The following PPP6R3 variants were observed in gnomAD, a reference collection of about 807,000 sequenced individuals.
PPP6R3 encodes the protein serine/threonine-protein phosphatase 6 regulatory subunit 3.
Under a neutral mutation model 110.7 loss-of-function variants are expected in PPP6R3, and 38 were observed. The ratio of observed to expected loss-of-function variants is 0.34; its 90% CI spans 0.26 to 0.45. The LOEUF (loss-of-function observed/expected upper bound fraction) is 0.45. Ranked by LOEUF, PPP6R3 falls within the 20% of genes least tolerant of loss-of-function variation. PPP6R3 has a pLI of 1.00. For synonymous variants in PPP6R3, 369 were observed against 373.5 expected (o/e 0.99, Z 0.14); for missense variants, 870 against 1,062.4 (o/e 0.82, Z 2.52).
intron 21 of PPP6R3, 28 bp from the exon 22 acceptor site, chr11:68,603,314 G>A (rs2099637539): frequency 6.2e-7 from 1 of 1,612,456 alleles, no homozygotes; most frequent in Non-Finnish European, 8.5e-7. Flanking sequence ...GGCTTGCTGT[G>A]TGTGACCATC....
At chr11:68,579,380 A>T (rs1353109924) in intron 14 of PPP6R3, among the ~76,000 whole-genome samples, 7 of 152,244 alleles carry the variant, frequency 4.6e-5, no homozygotes, top group Non-Finnish European at 8.8e-5. Flanking sequence ...CAAAACGAAA[A>T]TTTTATTTCG....
Position 68,613,299 on chromosome 11 carries a change from TATTGCAC to T in PPP6R3, c.*187_*193del. 7.4e-7 allele frequency: 1 copy of T among 1,343,496 alleles called. No individual in the cohort carries two copies. Among genetic ancestry groups the T allele is most frequent in the Non-Finnish European group, 9.5e-7 (1 of 1,050,290 alleles). The allele number at this position is 1,343,496 out of a possible 1,614,324, so 83.2% of individuals were successfully genotyped here. A position where few individuals can be genotyped will look rare whatever the true frequency, so the allele number is the denominator to read the frequency against. ...ACAGAGAAATTCAGAAGTGTAAAAA[TATTGCAC>T]ATTGACAAATACCAAGAATTTTTGC... On this transcript the variant is annotated 3_prime_UTR_variant, in exon 24 of 24. Transcript: ENST00000393800.
At chr11:68,511,308 G>A (rs189350823) in intron 1 of PPP6R3, among the ~76,000 whole-genome samples, 10 of 151,630 alleles carry the variant, frequency 6.6e-5, no homozygotes, top group South Asian at 2.1e-4. Flanking sequence ...CTTGTGATCC[G>A]CCCGCCTTGG....
chr11:68,523,703 C>T (rs2099177174), intron 2 of PPP6R3, among the ~76,000 whole-genome samples: 1 of 31,768 alleles, frequency 3.1e-5, no homozygotes, highest in African/African-American at 1.2e-4. Context: ...ACCCATGCCC[C>T]CCTGCCCCCC....
intron 1 of PPP6R3, among the ~76,000 whole-genome samples, chr11:68,490,894 T>C: frequency 6.6e-6 from 1 of 152,172 alleles, no homozygotes; most frequent in East Asian, 1.9e-4. Flanking sequence ...ATTAATCGTG[T>C]TTTTTACAAA....
chr11:68,554,209 A>C lies in PPP6R3; in HGVS notation c.683A>C (p.Gln228Pro). 1.2e-6 allele frequency: 2 copies of C among 1,614,016 alleles called. No individual in the cohort carries two copies. Among genetic ancestry groups the C allele is most frequent in the South Asian group, 2.2e-5 (2 of 91,046 alleles). The change falls in exon 7 of 24, where the codon CAA becomes CCA. Residue 228 changes from glutamine (Q) to proline (P), a missense_variant. By Grantham distance (76) the Gln-to-Pro change is moderately conservative. Coordinates refer to ENST00000393800, the MANE Select transcript of PPP6R3 (RefSeq NM_001164161.2). Reference sequence around the variant, plus strand: ...CGCCTGAGCAGAGACCAGATGTTACAAATTCAGAACAGTACAGAGCCCGAC... The same window carrying C: ...CGCCTGAGCAGAGACCAGATGTTACCAATTCAGAACAGTACAGAGCCCGAC... Reference protein sequence around the residue: ...IVRLSRDQMLQIQNSTEPDPL... With the variant: ...IVRLSRDQMLPIQNSTEPDPL...
intron 23 of PPP6R3, among the ~76,000 whole-genome samples, chr11:68,610,542 GCCCACT>G (rs1942877766): frequency 6.6e-6 from 1 of 152,144 alleles, no homozygotes; most frequent in Non-Finnish European, 1.5e-5. Context: ...AGTATGAAAT[GCCCACT>G]CCCAGAGCTG....
chr11:68,518,583 A>T (rs1338424960), intron 1 of PPP6R3, among the ~76,000 whole-genome samples: 1 of 152,228 alleles, frequency 6.6e-6, no homozygotes, highest in Non-Finnish European at 1.5e-5. Context: ...AATTTGGATG[A>T]TTATACTTTT....
At chr11:68,472,058 C>T (rs186924473) in intron 1 of PPP6R3, among the ~76,000 whole-genome samples, 4 of 152,184 alleles carry the variant, frequency 2.6e-5, no homozygotes, top group East Asian at 1.9e-4. Flanking sequence ...GAATGGCCTA[C>T]CTGAGGGTAG....
chr11:68,475,812 C>T (rs1380484369), intron 1 of PPP6R3, among the ~76,000 whole-genome samples: 234 of 151,920 alleles, frequency 1.5e-3, no homozygotes, highest in Non-Finnish European at 2.7e-3. Context: ...AGGGGCTCCT[C>T]ACTTCTCAGA....
chr11:68,504,387 C>T (rs1488582819), intron 1 of PPP6R3, among the ~76,000 whole-genome samples: 1 of 149,044 alleles, frequency 6.7e-6, no homozygotes, highest in East Asian at 2.0e-4. Flanking sequence ...CTGCCCTGAC[C>T]CTCTACTTTT....
chr11:68,609,677 A>C, intron 22 of PPP6R3: 1 of 1,569,182 alleles, frequency 6.4e-7, no homozygotes, highest in Non-Finnish European at 8.7e-7. Flanking sequence ...CAGCCACATT[A>C]CATTGTCCCT....
At chr11:68,546,972 C>G (rs1311837652) in intron 4 of PPP6R3, among the ~76,000 whole-genome samples, 1 of 152,146 alleles carries the variant, frequency 6.6e-6, no homozygotes, top group Non-Finnish European at 1.5e-5. Context: ...TGTGTCATAT[C>G]ATTTCTTGAA....
chr11:68,486,692 A>C (rs1435938367), intron 1 of PPP6R3, among the ~76,000 whole-genome samples: 2 of 151,898 alleles, frequency 1.3e-5, no homozygotes, highest in African/African-American at 4.8e-5. Context: ...TTTTTCCTTA[A>C]ATATTCAGTA....
intron 2 of PPP6R3, among the ~76,000 whole-genome samples, chr11:68,527,999 T>G (rs1271686188): frequency 1.3e-5 from 2 of 152,262 alleles, no homozygotes; most frequent in African/African-American, 4.8e-5. Flanking sequence ...GAGGCATTTT[T>G]GGCCAGGTTG....
intron 7 of PPP6R3, 99 bp from the exon 8 acceptor site, chr11:68,558,467 A>G (rs538031415): frequency 2.8e-6 from 2 of 708,150 alleles, no homozygotes; most frequent in South Asian, 1.8e-5. Context: ...CCCAAGTATG[A>G]ACTCTTCAGT....
Position 68,482,021 on chromosome 11 carries a change from C to G in PPP6R3, c.-158+21194C>G, listed in dbSNP as rs912948490. 5.3e-5 allele frequency among the ~76,000 whole-genome samples: 8 copies of G among 151,996 alleles called. No individual in the cohort carries two copies. The South Asian group carries it at 1.7e-3, about 32-fold the overall frequency. ...GTTTGACCACTGACTACCTGTCTGACCTTGGGCAAATTATCTCACCTTTCT... is the reference window on the plus strand; with the variant it reads ...GTTTGACCACTGACTACCTGTCTGAGCTTGGGCAAATTATCTCACCTTTCT... On this transcript the variant is annotated intron_variant, in intron 1 of 23. Coordinates refer to ENST00000393800, the MANE Select transcript of PPP6R3 (RefSeq NM_001164161.2).
At chr11:68,512,261 T>A (rs1379422877) in intron 1 of PPP6R3, among the ~76,000 whole-genome samples, 2 of 152,198 alleles carry the variant, frequency 1.3e-5, no homozygotes, top group Non-Finnish European at 2.9e-5. Flanking sequence ...AAGTTCAAGA[T>A]CAAGCTTCTT....
At chr11:68,540,056 G>T (rs542050627) in intron 3 of PPP6R3, among the ~76,000 whole-genome samples, 1 of 152,214 alleles carries the variant, frequency 6.6e-6, no homozygotes, top group Non-Finnish European at 1.5e-5. Context: ...AAAATGGAAG[G>T]AGGGAGGGTT....
Sources: allele counts gnomAD v4.1 joint callset (sites outside exome capture counted in the v4.1 genomes callset), GRCh38; gene constraint gnomAD v4.1.1; transcripts MANE v1.5; gene names NCBI Gene and HGNC (gene_info 2026-07-23, HGNC 2026-07-21).